The following OSBPL10 variants were observed in gnomAD, a reference collection of about 807,000 sequenced individuals.
OSBPL10 encodes oxysterol-binding protein-related protein 10.
Under a neutral mutation model 81.7 loss-of-function variants are expected in OSBPL10, and 49 were observed. The observed-to-expected ratio is 0.60, with a 90% CI of 0.48 to 0.76. The LOEUF (loss-of-function observed/expected upper bound fraction) is 0.76, where lower values mean the gene tolerates loss of function less well. Ranked by LOEUF, OSBPL10 falls within the 30% of genes least tolerant of loss-of-function variation. The probability of loss-of-function intolerance (pLI) is 0.00; values close to 1 mark genes in which losing one functional copy is unlikely to be tolerated. For synonymous variants in OSBPL10, 419 were observed against 383.6 expected, an observed-to-expected ratio of 1.09 and a Z score of -1.08; for missense variants, 923 against 987.8, an observed-to-expected ratio of 0.93 and a Z score of 0.88.
rs1700060843 is a variant in OSBPL10, at chr3:31,660,887, G to A, written c.*1185C>T. The A allele has an allele frequency of 6.6e-6, 1 of 152,578 alleles. No individual in the cohort carries two copies. The highest frequency in any genetic ancestry group is 2.4e-5 in the African/African-American group (1 of 41,432). 9.5% of individuals were successfully genotyped at this position (152,578 alleles called of 1,614,324 possible). On this transcript the variant is annotated 3_prime_UTR_variant, in exon 12 of 12. Transcript: ENST00000396556. Reference sequence around the variant, plus strand: ...AGTGTGAACAACTGGTCTTAAGAAAGCAGACAAAAGGCACAAAATTAGTAT... The same window carrying A: ...AGTGTGAACAACTGGTCTTAAGAAAACAGACAAAAGGCACAAAATTAGTAT...
At chr3:31,905,368 T>TTTTTTTTTTTTTTTTTTTTTTTTA (rs869077578) in intron 1 of OSBPL10, among the ~76,000 whole-genome samples, 2 of 148,296 alleles carry the variant, frequency 1.3e-5, no homozygotes, top group African/African-American at 5.0e-5. Flanking sequence ...TTTTTTTTTT[T>TTTTTTTTTTTTTTTTTTTTTTTTA]AGACGGACTC....
At chr3:32,044,347 A>C (rs1296401660) in intron 2 of OSBPL10, among the ~76,000 whole-genome samples, 1 of 149,692 alleles carries the variant, frequency 6.7e-6, no homozygotes, top group Non-Finnish European at 1.5e-5. Context: ...ATCAATACAA[A>C]GAATATTAGT....
intron 2 of OSBPL10, among the ~76,000 whole-genome samples, chr3:32,004,258 T>C (rs1485873410): frequency 1.3e-5 from 2 of 151,998 alleles, no homozygotes; most frequent in East Asian, 1.9e-4. Context: ...GAGTGTCAGG[T>C]GGAGACTTTA....
intron 1 of OSBPL10, among the ~76,000 whole-genome samples, chr3:32,054,526 CTTTTT>C (rs755489489): frequency 2.3e-5 from 2 of 86,604 alleles, no homozygotes; most frequent in Admixed American, 1.9e-4. Context: ...TCAATGGTGG[CTTTTT>C]TTTTTTTTTT....
chr3:31,682,597 T>C (rs80007308), intron 8 of OSBPL10, among the ~76,000 whole-genome samples: 6,563 of 152,314 alleles, frequency 0.043, 370 homozygotes, highest in East Asian at 0.31. Flanking sequence ...GCCTTCCCAC[T>C]GGCCAGCTCA....
At chr3:31,785,688 G>A (rs1288348011) in intron 4 of OSBPL10, among the ~76,000 whole-genome samples, 2 of 151,746 alleles carry the variant, frequency 1.3e-5, no homozygotes, top group Non-Finnish European at 2.9e-5. Context: ...AGATTGCCTC[G>A]GCATGTTTCT....
At chr3:31,962,646 TTTC>T (rs1698202011) in intron 1 of OSBPL10, among the ~76,000 whole-genome samples, 2 of 151,896 alleles carry the variant, frequency 1.3e-5, no homozygotes. Flanking sequence ...ACAGTTAGGG[TTTC>T]AATCGCTCCC....
At chr3:31,872,999 AAGC>A (rs969243832) in intron 3 of OSBPL10, among the ~76,000 whole-genome samples, 9 of 152,292 alleles carry the variant, frequency 5.9e-5, no homozygotes, top group African/African-American at 2.2e-4. Flanking sequence ...ATTCTAGAAA[AAGC>A]AGAACTATAA....
At chr3:32,047,645 A>T (rs1699634543) in intron 1 of OSBPL10, among the ~76,000 whole-genome samples, 1 of 151,152 alleles carries the variant, frequency 6.6e-6, no homozygotes, top group Non-Finnish European at 1.5e-5. Flanking sequence ...CTGCATCTTT[A>T]CTACAACCTG....
At chr3:31,926,989 T>C (rs1697093662) in intron 1 of OSBPL10, among the ~76,000 whole-genome samples, 1 of 152,146 alleles carries the variant, frequency 6.6e-6, no homozygotes, top group African/African-American at 2.4e-5. Flanking sequence ...CACATGCCTG[T>C]AATCCCAGCT....
intron 1 of OSBPL10, among the ~76,000 whole-genome samples, chr3:31,916,668 T>C (rs1268037693): frequency 1.3e-5 from 2 of 152,212 alleles, no homozygotes; most frequent in East Asian, 1.9e-4. Context: ...CTCTTAAATA[T>C]TGGAGTGGAC....
chr3:31,892,065 T>C (rs1695907907), intron 1 of OSBPL10, among the ~76,000 whole-genome samples: 1 of 152,000 alleles, frequency 6.6e-6, no homozygotes, highest in Admixed American at 6.6e-5. Context: ...TGTGTTGTAA[T>C]AGAAGTGAGT....
At chr3:31,730,647 C>A (rs548215959) in intron 6 of OSBPL10, among the ~76,000 whole-genome samples, 1 of 152,330 alleles carries the variant, frequency 6.6e-6, no homozygotes, top group Admixed American at 6.5e-5. Flanking sequence ...ACAGAGCCGA[C>A]CACAGCTCTC....
intron 1 of OSBPL10, among the ~76,000 whole-genome samples, chr3:31,924,974 ACAAGT>A (rs947862185): frequency 2.0e-5 from 3 of 152,186 alleles, no homozygotes. Context: ...TCACTCATTC[ACAAGT>A]CAAGAACAAA....
chr3:31,882,669 G>GCACA (rs138240925), intron 1 of OSBPL10, among the ~76,000 whole-genome samples: 4 of 150,366 alleles, frequency 2.7e-5, no homozygotes, highest in Admixed American at 6.6e-5. Context: ...GTGCACACAC[G>GCACA]CACACACACA....
intron 2 of OSBPL10, among the ~76,000 whole-genome samples, chr3:32,032,174 T>C (rs1254058532): frequency 6.6e-6 from 1 of 152,088 alleles, no homozygotes; most frequent in Non-Finnish European, 1.5e-5. Flanking sequence ...ATCCCAACAC[T>C]TTGGGAGACC....
chr3:31,810,396 T>C (rs1007703766), intron 4 of OSBPL10, among the ~76,000 whole-genome samples: 1 of 152,100 alleles, frequency 6.6e-6, no homozygotes, highest in Non-Finnish European at 1.5e-5. Flanking sequence ...GAAAACATAA[T>C]TTTAAAACAA....
chr3:31,746,240 C>T lies in OSBPL10; in HGVS notation c.940+1670G>A, dbSNP rs537445168. ...CTGGTGTGTATTCTAGAGGTATCCT[C>T]ATGAGGGGACAGGCATGAGGATGTT... is the stretch of plus-strand genomic sequence containing the variant. On this transcript the variant is annotated intron_variant, in intron 5 of 11. Transcript: ENST00000396556. 9.2e-5 allele frequency among the ~76,000 whole-genome samples: 14 copies of T among 152,274 alleles called. No homozygotes were observed. The South Asian group carries it at 2.7e-3, about 29-fold the overall frequency.
chr3:31,812,127 G>A (rs1420568844), intron 4 of OSBPL10, among the ~76,000 whole-genome samples: 1 of 152,152 alleles, frequency 6.6e-6, no homozygotes, highest in Non-Finnish European at 1.5e-5. Flanking sequence ...TGCCTCCCAG[G>A]TTCAAGCAAT....
Sources: allele counts gnomAD v4.1 joint callset (sites outside exome capture counted in the v4.1 genomes callset), GRCh38; gene constraint gnomAD v4.1.1; transcripts MANE v1.5; gene names NCBI Gene and HGNC (gene_info 2026-07-23, HGNC 2026-07-21).